SGPP2: variants seen among roughly 807,000 people sequenced by gnomAD.
SGPP2 encodes sphingosine 1-phosphate phosphohydrolase 2.
SGPP2 carries 30 observed loss-of-function variants against 33.9 expected under a neutral mutation model. That is an observed-to-expected ratio of 0.89 (90% CI 0.66 to 1.20). SGPP2 has a LOEUF of 1.20. Among genes scored for constraint, SGPP2 ranks in the 50% most tolerant of loss-of-function variants. The pLI, the probability that SGPP2 is intolerant of heterozygous loss-of-function variation, is 0.00. For synonymous variants in SGPP2, 233 were observed against 225.0 expected (o/e 1.04, Z -0.32); for missense variants, 458 against 532.1 (o/e 0.86, Z 1.37).
chr2:222,466,479 C>T (rs540002872), intron 1 of SGPP2, among the ~76,000 whole-genome samples: 19 of 152,142 alleles, frequency 1.2e-4, no homozygotes, highest in African/African-American at 3.6e-4. Flanking sequence ...AGGATGGTCT[C>T]GATCTCCTGA....
At chr2:222,517,927 GT>G (rs1345617878) in intron 2 of SGPP2, among the ~76,000 whole-genome samples, 1 of 152,194 alleles carries the variant, frequency 6.6e-6, no homozygotes, top group African/African-American at 2.4e-5. Flanking sequence ...TTCTGTATAT[GT>G]ACACATACTC....
intron 2 of SGPP2, among the ~76,000 whole-genome samples, chr2:222,486,666 C>G (rs1196095266): frequency 1.3e-5 from 2 of 152,096 alleles, no homozygotes; most frequent in African/African-American, 2.4e-5. Flanking sequence ...GTAGGCACTA[C>G]TATTATGACT....
chr2:222,472,435 T>A (rs2106094230), intron 1 of SGPP2, among the ~76,000 whole-genome samples: 1 of 151,568 alleles, frequency 6.6e-6, no homozygotes, highest in Non-Finnish European at 1.5e-5. Context: ...CTAGGTGGAG[T>A]CAGTTGGTCA....
chr2:222,446,329 A>AAACC (rs67355501), intron 1 of SGPP2, among the ~76,000 whole-genome samples: 2 of 7,394 alleles, frequency 2.7e-4, no homozygotes, highest in Non-Finnish European at 5.3e-4. Context: ...ATCAAACACA[A>AAACC]AACAAACAAC....
At chr2:222,426,012 C>A (rs76755794) in intron 1 of SGPP2, among the ~76,000 whole-genome samples, 2,538 of 151,934 alleles carry the variant, frequency 0.017, 35 homozygotes, top group South Asian at 0.074. Flanking sequence ...AGTATGAGAA[C>A]CCCTCTTTTT....
chr2:222,451,642 C>T (rs1382105908), intron 1 of SGPP2, among the ~76,000 whole-genome samples: 7 of 152,192 alleles, frequency 4.6e-5, no homozygotes, highest in Non-Finnish European at 8.8e-5. Context: ...ACAGGCTCCC[C>T]GCAGCTTTGT....
At chr2:222,430,260 CT>C (rs1198256508) in intron 1 of SGPP2, among the ~76,000 whole-genome samples, 1 of 152,038 alleles carries the variant, frequency 6.6e-6, no homozygotes, top group Non-Finnish European at 1.5e-5. Flanking sequence ...TTCTCATGTG[CT>C]AGAACATAAA....
At chr2:222,457,470 A>G (rs1697590003) in intron 1 of SGPP2, among the ~76,000 whole-genome samples, 1 of 152,228 alleles carries the variant, frequency 6.6e-6, no homozygotes, top group South Asian at 2.1e-4. Flanking sequence ...GCGACCTCTA[A>G]AATTGCGAGC....
chr2:222,424,587 C>A lies in SGPP2; in HGVS notation c.-16C>A, dbSNP rs1697029391. ...CCGGCGTGGCAGCGGCGGCGGAGCG[C>A]GGCCCCGGGCACACCATGGCCGAGC... On this transcript the variant is annotated 5_prime_UTR_variant, in exon 1 of 5. Transcript: ENST00000321276. The A allele has an allele frequency of 4.2e-5, 51 of 1,228,794 alleles. No homozygotes were observed. The highest frequency in any genetic ancestry group is 5.1e-5 in the Non-Finnish European group (50 of 983,240). The allele number at this position is 1,228,794 out of a possible 1,614,324, so 76.1% of individuals were successfully genotyped here.
chr2:222,525,367 C>T (rs1223294678), intron 4 of SGPP2, among the ~76,000 whole-genome samples: 1 of 152,102 alleles, frequency 6.6e-6, no homozygotes, highest in African/African-American at 2.4e-5. Context: ...CTCATAGGCA[C>T]GAGTGAGTAG....
At chr2:222,527,547 A>G (rs1484368795) in intron 4 of SGPP2, among the ~76,000 whole-genome samples, 1 of 152,214 alleles carries the variant, frequency 6.6e-6, no homozygotes, top group African/African-American at 2.4e-5. Flanking sequence ...ATTATAAAAG[A>G]CATTCCCTAG....
chr2:222,472,956 G>A (rs1697869866), intron 1 of SGPP2, among the ~76,000 whole-genome samples: 1 of 152,204 alleles, frequency 6.6e-6, no homozygotes. Context: ...AGAGGTTGCA[G>A]TGAGCCAAGA....
In SGPP2 at chr2:222,558,652, C is replaced by T. The variant is rs369890166; in HGVS notation, c.954C>T (p.Thr318=). 1 of 1,614,060 alleles carries T rather than the reference C, an allele frequency of 6.2e-7. No homozygotes were observed. The highest frequency in any genetic ancestry group is 1.3e-5 in the African/African-American group (1 of 74,924). The part of the protein sequence containing the change: ...PVIQNIPPLT[T]YMLVLGLTKF... ...TTCAGAACATCCCACCACTCACCAC[C>T]TACATGTTAGTTTTGGGTCTGACCA... Residue 318 remains threonine (T), a synonymous_variant, in exon 5 of 5, where the codon ACC becomes ACT. Transcript: ENST00000321276.
intron 1 of SGPP2, among the ~76,000 whole-genome samples, chr2:222,446,105 G>A (rs1196428525): frequency 6.6e-6 from 1 of 152,172 alleles, no homozygotes; most frequent in African/African-American, 2.4e-5. Flanking sequence ...TGAACACTCT[G>A]GGGGCTTATA....
intron 1 of SGPP2, among the ~76,000 whole-genome samples, chr2:222,438,894 G>T (rs941395497): frequency 6.6e-6 from 1 of 152,120 alleles, no homozygotes; most frequent in East Asian, 1.9e-4. Context: ...GGCCTTTCCC[G>T]CCATAATAGC....
intron 2 of SGPP2, among the ~76,000 whole-genome samples, chr2:222,513,179 G>A (rs1050621557): frequency 6.6e-6 from 1 of 152,184 alleles, no homozygotes; most frequent in Non-Finnish European, 1.5e-5. Context: ...TAATAGGTGT[G>A]TAGTTGTATT....
chr2:222,455,321 A>G (rs182083761), intron 1 of SGPP2, among the ~76,000 whole-genome samples: 2 of 152,196 alleles, frequency 1.3e-5, no homozygotes, highest in Non-Finnish European at 2.9e-5. Flanking sequence ...TTGAGAAGGC[A>G]TCTCTGAACG....
At chr2:222,547,311 A>C (rs1559176114) in intron 4 of SGPP2, among the ~76,000 whole-genome samples, 1 of 152,182 alleles carries the variant, frequency 6.6e-6, no homozygotes, top group Non-Finnish European at 1.5e-5. Context: ...GCAGTTGTCA[A>C]AGATGATGTT....
rs186751251 is a variant in SGPP2, at chr2:222,432,597, A to T, written c.219+7776A>T. On this transcript the variant is annotated intron_variant, in intron 1 of 4. Coordinates refer to ENST00000321276, the MANE Select transcript of SGPP2 (RefSeq NM_152386.4). Reference sequence around the variant, plus strand: ...CTCCCTCAGCAAGTCTGAATGCAAGACCCAGACATAAATGTTAGAGTTCTG... The same window carrying T: ...CTCCCTCAGCAAGTCTGAATGCAAGTCCCAGACATAAATGTTAGAGTTCTG... Among the ~76,000 whole-genome samples the T allele has an allele frequency of 8.1e-3, 1,235 of 152,364 alleles. 12 individuals are homozygous for T. Among genetic ancestry groups the T allele is most frequent in the South Asian group, 0.034 (163 of 4,828 alleles).
Sources: allele counts gnomAD v4.1 joint callset (sites outside exome capture counted in the v4.1 genomes callset), GRCh38; gene constraint gnomAD v4.1.1; transcripts MANE v1.5; gene names NCBI Gene and HGNC (gene_info 2026-07-23, HGNC 2026-07-21).